Variants in SLC25A37 observed in about 807,000 individuals in gnomAD.
SLC25A37 encodes the protein mitoferrin-1.
In SLC25A37, 17 loss-of-function variants were observed where a neutral mutation model predicts 31.0. The ratio of observed to expected loss-of-function variants is 0.55; its 90% confidence interval spans 0.38 to 0.82. The LOEUF is 0.82. Among genes scored for constraint, SLC25A37 ranks in the 40% least tolerant of loss-of-function variants. SLC25A37 has a pLI of 0.00. For synonymous variants in SLC25A37, 222 were observed against 193.0 expected, an observed-to-expected ratio of 1.15 and a Z score of -1.24; for missense variants, 404 against 465.8, an observed-to-expected ratio of 0.87 and a Z score of 1.22.
At chr8:23,551,248 TTACA>T (rs1802217350) in intron 1 of SLC25A37, among the ~76,000 whole-genome samples, 1 of 152,336 alleles carries the variant, frequency 6.6e-6, no homozygotes, top group African/African-American at 2.4e-5. Flanking sequence ...GTTTTCTTTG[TTACA>T]TAATCAGGAT....
intron 1 of SLC25A37, among the ~76,000 whole-genome samples, chr8:23,532,949 G>C (rs1174775791): frequency 6.6e-6 from 1 of 152,244 alleles, no homozygotes; most frequent in Non-Finnish European, 1.5e-5. Context: ...TTCAGCTTCA[G>C]AAGGGCGTGA....
At chr8:23,553,844 T>C (rs1390165107) in intron 1 of SLC25A37, among the ~76,000 whole-genome samples, 1 of 152,212 alleles carries the variant, frequency 6.6e-6, no homozygotes, top group Non-Finnish European at 1.5e-5. Context: ...AGTTACACTC[T>C]TGCAGCTGGG....
intron 1 of SLC25A37, among the ~76,000 whole-genome samples, chr8:23,546,565 T>C (rs60346424): frequency 2.1e-5 from 2 of 97,406 alleles, no homozygotes; most frequent in Non-Finnish European, 3.5e-5. Flanking sequence ...TGTATATATA[T>C]ATATATATAT....
chr8:23,538,391 AAAAAAAAAAAAAAAAC>A (rs1801815973), intron 1 of SLC25A37, among the ~76,000 whole-genome samples: 1 of 143,748 alleles, frequency 7.0e-6, no homozygotes, highest in African/African-American at 2.5e-5. Flanking sequence ...AAAAAAAAAA[AAAAAAAAAAAAAAAAC>A]CAGAAAAAAA....
At chr8:23,567,077 G>C (rs975459369) in intron 2 of SLC25A37, 2 of 152,568 alleles carry the variant, frequency 1.3e-5, no homozygotes, top group African/African-American at 4.8e-5. Context: ...TCTCCAGTGG[G>C]GTTGGCTTTT....
chr8:23,533,203 G>A (rs888752407), intron 1 of SLC25A37, among the ~76,000 whole-genome samples: 2 of 152,204 alleles, frequency 1.3e-5, no homozygotes, highest in African/African-American at 4.8e-5. Flanking sequence ...ACCCTGAGGA[G>A]TGTGAGAACC....
chr8:23,550,112 C>T (rs1802181255), intron 1 of SLC25A37, among the ~76,000 whole-genome samples: 1 of 121,672 alleles, frequency 8.2e-6, no homozygotes, highest in South Asian at 2.7e-4. Context: ...ACCCGGGAGG[C>T]GGAGGTTGTG....
Position 23,536,642 on chromosome 8 carries a change from G to A in SLC25A37, c.210+7430G>A, listed in dbSNP as rs79604278. On this transcript the variant is annotated intron_variant, in intron 1 of 3. Coordinates refer to ENST00000519973, the MANE Select transcript of SLC25A37 (RefSeq NM_016612.4). ...CTGGAGCTGAATCTCCAGTTGCCTC[G>A]GAGCCTCCTCAGACTCAGTGTGGCC... Among the ~76,000 whole-genome samples, 721 of 152,206 alleles carry A rather than the reference G, an allele frequency of 4.7e-3. 7 individuals are homozygous for A. Among genetic ancestry groups the A allele is most frequent in the African/African-American group, 0.016 (678 of 41,512 alleles).
At chr8:23,530,375 A>T (rs1479499938) in intron 1 of SLC25A37, among the ~76,000 whole-genome samples, 3 of 152,218 alleles carry the variant, frequency 2.0e-5, no homozygotes, top group Admixed American at 1.3e-4. Context: ...CTTGTTGCTG[A>T]TGCTGGTCCT....
At chr8:23,550,071 C>T (rs1317695135) in intron 1 of SLC25A37, among the ~76,000 whole-genome samples, 2 of 134,892 alleles carry the variant, frequency 1.5e-5, no homozygotes, top group Non-Finnish European at 3.0e-5. Flanking sequence ...ATCCCAGCTA[C>T]TTGGGAGGCT....
At chr8:23,565,658 A>G (rs891760855) in intron 1 of SLC25A37, among the ~76,000 whole-genome samples, 10 of 152,230 alleles carry the variant, frequency 6.6e-5, no homozygotes, top group Non-Finnish European at 1.5e-4. Flanking sequence ...GTTTCAGATA[A>G]GTGAGGACAC....
chr8:23,547,429 C>G (rs1399350799), intron 1 of SLC25A37, among the ~76,000 whole-genome samples: 1 of 152,152 alleles, frequency 6.6e-6, no homozygotes, highest in Non-Finnish European at 1.5e-5. Context: ...ACCAATCAAG[C>G]AACTCTGGGA....
At chr8:23,563,665 G>A (rs1176363455) in intron 1 of SLC25A37, among the ~76,000 whole-genome samples, 2 of 152,176 alleles carry the variant, frequency 1.3e-5, no homozygotes, top group Non-Finnish European at 2.9e-5. Flanking sequence ...TAGGAAAAAG[G>A]GTGCAGAGTA....
chr8:23,561,933 C>T lies in SLC25A37; in HGVS notation c.211-4175C>T, dbSNP rs556272293. 1.4e-4 allele frequency among the ~76,000 whole-genome samples: 22 copies of T among 152,302 alleles called. No homozygotes were observed. In the East Asian group the frequency reaches 2.1e-3, roughly 15 times the overall value. ...ACTGGGGACCGGAGAGATGAGATGCCGTGACCAAGGTCACTGGGTTGTAGC... is the reference window on the plus strand; with the variant it reads ...ACTGGGGACCGGAGAGATGAGATGCTGTGACCAAGGTCACTGGGTTGTAGC... On this transcript the variant is annotated intron_variant, in intron 1 of 3. Coordinates refer to ENST00000519973, the MANE Select transcript of SLC25A37 (RefSeq NM_016612.4).
chr8:23,544,678 C>G (rs1801989490), intron 1 of SLC25A37, among the ~76,000 whole-genome samples: 1 of 152,178 alleles, frequency 6.6e-6, no homozygotes, highest in African/African-American at 2.4e-5. Flanking sequence ...GATGTTACAA[C>G]TAAACTGTAT....
At chr8:23,546,684 G>A (rs1296992006) in intron 1 of SLC25A37, among the ~76,000 whole-genome samples, 2 of 150,000 alleles carry the variant, frequency 1.3e-5, no homozygotes, top group Non-Finnish European at 3.0e-5. Context: ...AGAAAATTAA[G>A]GTAGATTTGT....
intron 1 of SLC25A37, among the ~76,000 whole-genome samples, chr8:23,536,592 GATCACT>G (rs1223143175): frequency 1.3e-5 from 2 of 152,162 alleles, no homozygotes; most frequent in Admixed American, 1.3e-4. Flanking sequence ...ATGGCTCCCA[GATCACT>G]ATCTTGGGCC....
intron 1 of SLC25A37, among the ~76,000 whole-genome samples, chr8:23,545,669 A>T (rs1802017276): frequency 6.6e-6 from 1 of 152,162 alleles, no homozygotes; most frequent in Non-Finnish European, 1.5e-5. Context: ...GCTGTCACTC[A>T]GAAGAAATGG....
At chr8:23,552,258 T>C (rs1331423910) in intron 1 of SLC25A37, among the ~76,000 whole-genome samples, 1 of 152,238 alleles carries the variant, frequency 6.6e-6, no homozygotes, top group Non-Finnish European at 1.5e-5. Flanking sequence ...TAAACATTTA[T>C]TGAGTACCTA....
Sources: allele counts gnomAD v4.1 joint callset (sites outside exome capture counted in the v4.1 genomes callset), GRCh38; gene constraint gnomAD v4.1.1; transcripts MANE v1.5; gene names NCBI Gene and HGNC (gene_info 2026-07-23, HGNC 2026-07-21).